The following CEP152 variants were observed in gnomAD, a reference collection of about 807,000 sequenced individuals.
The protein encoded by CEP152 is centrosomal protein 152, also known as centrosomal protein of 152 kDa.
Under a neutral mutation model 188.9 loss-of-function variants are expected in CEP152, and 132 were observed. The observed-to-expected ratio is 0.70, with a 90% CI of 0.61 to 0.81. The LOEUF (loss-of-function observed/expected upper bound fraction) is 0.81. Ranked by LOEUF, CEP152 falls within the 30% of genes least tolerant of loss-of-function variation. The pLI is 0.00. For synonymous variants in CEP152, 649 were observed against 666.6 expected (o/e 0.97, Z 0.41); for missense variants, 1,914 against 1,969.8 (o/e 0.97, Z 0.54).
intron 7 of CEP152, 22 bp from the exon 8 acceptor site, chr15:48,791,398 T>C (rs750707219): frequency 1.2e-6 from 2 of 1,604,816 alleles, no homozygotes; most frequent in Non-Finnish European, 8.5e-7. Context: ...AAAATGTTTA[T>C]ATAAATAATG....
intron 22 of CEP152, among the ~76,000 whole-genome samples, chr15:48,746,820 A>G (rs1037377266): frequency 2.0e-5 from 3 of 152,206 alleles, no homozygotes; most frequent in Non-Finnish European, 4.4e-5. Context: ...TGGGGAGTGT[A>G]TAACAGGAGG....
intron 2 of CEP152, 28 bp downstream of exon 2, chr15:48,805,535 C>CTCTTTTTTT: frequency 8.1e-7 from 1 of 1,239,472 alleles, no homozygotes; most frequent in Non-Finnish European, 1.1e-6. Context: ...TTTAGTGTCT[C>CTCTTTTTTT]TTTTTTTTTT....
intron 23 of CEP152, 80 bp downstream of exon 23, chr15:48,744,816 A>C (rs1451682009): frequency 1.5e-6 from 2 of 1,351,328 alleles, no homozygotes; most frequent in Non-Finnish European, 2.0e-6. Flanking sequence ...TATAACAAAA[A>C]AAATTGATAC....
At chr15:48,764,215 G>A (rs967364438) in intron 17 of CEP152, among the ~76,000 whole-genome samples, 1 of 152,170 alleles carries the variant, frequency 6.6e-6, no homozygotes, top group East Asian at 1.9e-4. Context: ...CACACCTCTT[G>A]CTCTTCCTTA....
intron 2 of CEP152, 27 bp downstream of exon 2, chr15:48,805,533 CTCT>C (rs756237321): frequency 1.1e-5 from 16 of 1,463,214 alleles, no homozygotes; most frequent in Non-Finnish European, 1.4e-5. Flanking sequence ...GGTTTAGTGT[CTCT>C]TTTTTTTTTT....
chr15:48,773,463 C>T (rs1210861475), intron 12 of CEP152: 2 of 152,240 alleles, frequency 1.3e-5, no homozygotes. Flanking sequence ...CCAGTAATCT[C>T]ACTGAGTTTC....
intron 8 of CEP152, among the ~76,000 whole-genome samples, chr15:48,790,688 T>G (rs1896938385): frequency 1.3e-5 from 2 of 152,180 alleles, no homozygotes; most frequent in African/African-American, 4.8e-5. Flanking sequence ...TGTCTCAGCC[T>G]CCAGAGTAGC....
In CEP152 at chr15:48,797,654, T is replaced by C. The variant is rs532096933; in HGVS notation, c.261+7A>G. On this transcript the variant is annotated splice_region_variant and intron_variant, in intron 4 of 26. Coordinates refer to ENST00000380950, the MANE Select transcript of CEP152 (RefSeq NM_001194998.2). ...TCACCAAAGTCATCATCACACCAGATACTTACATTTACACTTTGAGATTTG... is the reference window on the plus strand; with the variant it reads ...TCACCAAAGTCATCATCACACCAGACACTTACATTTACACTTTGAGATTTG... The C allele has an allele frequency of 1.3e-4, 217 of 1,614,146 alleles. No individual in the cohort carries two copies. The South Asian group carries it at 2.2e-3, about 17-fold the overall frequency.
chr15:48,736,780 G>C (rs1329724604), downstream of CEP152, among the ~76,000 whole-genome samples: 1 of 152,184 alleles, frequency 6.6e-6, no homozygotes, highest in East Asian at 1.9e-4. Flanking sequence ...TTAATGTTGA[G>C]AGTTTAAATA....
In CEP152 at chr15:48,738,967, C is replaced by A; in HGVS notation, c.4415G>T (p.Gly1472Val). The A allele has an allele frequency of 6.2e-7, 1 of 1,613,942 alleles. No homozygotes were observed. The highest frequency in any genetic ancestry group is 8.5e-7 in the Non-Finnish European group (1 of 1,179,898). The change falls in exon 27 of 27, where the codon GGC becomes GTC. Residue 1472 changes from glycine (G) to valine (V), a missense_variant. Coordinates refer to ENST00000380950, the MANE Select transcript of CEP152 (RefSeq NM_001194998.2). ...GTCTTTCTTCTTGTGCAAACCAAAG[C>A]CTCCTTCACCTTCACAAGGAACAAA... The part of the protein sequence containing the change: ...PEFVPCEGEG[G>V]FGLHKKKDLL...
Position 48,756,075 on chromosome 15 carries a change from T to G in CEP152, c.3173A>C (p.Gln1058Pro), listed in dbSNP as rs554490098. 6.2e-7 allele frequency: 1 copy of G among 1,614,152 alleles called. No homozygotes were observed. Among genetic ancestry groups the G allele is most frequent in the African/African-American group, 1.3e-5 (1 of 75,064 alleles). The change falls in exon 20 of 27, where the codon CAA (glutamine) becomes CCA (proline). Residue 1058 changes from glutamine (Q) to proline (P), a missense_variant. Coordinates refer to ENST00000380950, the MANE Select transcript of CEP152 (RefSeq NM_001194998.2). Reference protein sequence around the residue: ...TVLGVLLSDTQKEHISDSEDK... With the variant: ...TVLGVLLSDTPKEHISDSEDK... Reference sequence around the variant, plus strand: ...CTCAGAATCACTGATGTGCTCCTTTTGGGTATCACTTAAAAGAACCCCAAG... The same window carrying G: ...CTCAGAATCACTGATGTGCTCCTTTGGGGTATCACTTAAAAGAACCCCAAG...
At chr15:48,797,762 C>A in intron 3 of CEP152, 32 bp from the exon 4 acceptor site, 3 of 1,607,742 alleles carry the variant, frequency 1.9e-6, no homozygotes, top group Non-Finnish European at 2.6e-6. Flanking sequence ...CGATTTAAAG[C>A]GTATCATTTA....
rs777016485 is a variant in CEP152, at chr15:48,756,054, G to C, written c.3194C>G (p.Ser1065Cys). ...GATTTCCAAAAGCTGCTTGTCCTCA[G>C]AATCACTGATGTGCTCCTTTTGGGT... Reference protein sequence around the residue: ...SDTQKEHISDSEDKQLLEIMS... With the variant: ...SDTQKEHISDCEDKQLLEIMS... The change falls in exon 20 of 27, where the codon TCT becomes TGT. Residue 1065 changes from serine to cysteine, a missense_variant. By Grantham distance (112) the Ser-to-Cys change is moderately radical (BLOSUM62 -1). Transcript: ENST00000380950. The C allele has an allele frequency of 1.2e-6, 2 of 1,613,940 alleles. No individual in the cohort carries two copies. The highest frequency in any genetic ancestry group is 1.3e-5 in the African/African-American group (1 of 74,896).
At chr15:48,744,836 T>C in intron 23 of CEP152, 60 bp downstream of exon 23, 3 of 1,472,900 alleles carry the variant, frequency 2.0e-6, no homozygotes, top group Non-Finnish European at 2.7e-6. Context: ...CTTAAAAAAA[T>C]TTAAAGATAC....
intron 8 of CEP152, 135 bp from the exon 9 acceptor site, chr15:48,789,136 G>T: frequency 1.3e-6 from 1 of 776,326 alleles, no homozygotes; most frequent in Non-Finnish European, 2.2e-6. Flanking sequence ...AGGGGTCTCC[G>T]CTCATCATGG....
intron 19 of CEP152, among the ~76,000 whole-genome samples, 187 bp from the exon 20 acceptor site, chr15:48,756,740 T>TGTTTATATGTATGTATAGAC (rs1482781633): frequency 5.9e-5 from 9 of 152,180 alleles, no homozygotes; most frequent in African/African-American, 2.2e-4. Flanking sequence ...TCAAAATATA[T>TGTTTATATGTATGTATAGAC]ACATAAATAT....
chr15:48,759,083 AT>A (rs1204124303), intron 19 of CEP152, among the ~76,000 whole-genome samples: 1 of 152,144 alleles, frequency 6.6e-6, no homozygotes, highest in Non-Finnish European at 1.5e-5. Flanking sequence ...ATACTAAAAA[AT>A]ATAGATTATA....
In CEP152 at chr15:48,761,423, C is replaced by T. The variant is rs1278186488; in HGVS notation, c.2562+968G>A. ...ATAAGTAATAAAATTAAAATAACTA[C>T]ATAACGGATGTATCAAAGTCCAAGG... On this transcript the variant is annotated intron_variant, in intron 18 of 26. Coordinates refer to ENST00000380950, the MANE Select transcript of CEP152 (RefSeq NM_001194998.2). 1.2e-4 allele frequency among the ~76,000 whole-genome samples: 18 copies of T among 152,142 alleles called. 1 individual carries two copies. Among genetic ancestry groups the T allele is most frequent in the Admixed American group, 1.2e-3 (18 of 15,272 alleles).
At position 48,741,036 on chromosome 15, in the gene CEP152, C is replaced by A. The variant is rs531543368; in HGVS notation, c.4093+565G>T. The stretch of plus-strand genomic sequence containing the variant: ...TTGCTCCTAATTGCAATAGTCATCT[C>A]CCGGTGGTTTTGAACTGAGGTTTCC... On this transcript the variant is annotated intron_variant, in intron 26 of 26. Coordinates refer to ENST00000380950, the MANE Select transcript of CEP152 (RefSeq NM_001194998.2). The A allele has an allele frequency of 2.8e-5, 28 of 989,916 alleles. No homozygotes were observed. In the Admixed American group the frequency reaches 1.6e-3, roughly 57 times the overall value. 61.3% of individuals were successfully genotyped at this position (989,916 alleles called of 1,614,324 possible).
Sources: allele counts gnomAD v4.1 joint callset (sites outside exome capture counted in the v4.1 genomes callset), GRCh38; gene constraint gnomAD v4.1.1; transcripts MANE v1.5; gene names NCBI Gene and HGNC (gene_info 2026-07-23, HGNC 2026-07-21).